Variants in USP39 observed in about 807,000 individuals in gnomAD.
USP39 encodes ubiquitin specific peptidase 39, also known as ubiquitin carboxyl-terminal hydrolase 39.
USP39 carries 38 observed loss-of-function variants against 66.4 expected under a neutral mutation model. That is an observed-to-expected ratio of 0.57 (90% CI 0.44 to 0.75). The LOEUF (loss-of-function observed/expected upper bound fraction) is 0.75, where lower values mean the gene tolerates loss of function less well. Among genes scored for constraint, USP39 ranks in the 30% least tolerant of loss-of-function variants. The probability of loss-of-function intolerance (pLI) is 0.00; values close to 1 mark genes in which losing one functional copy is unlikely to be tolerated. For synonymous variants in USP39, 303 were observed against 274.6 expected (o/e 1.10, Z -1.02); for missense variants, 608 against 714.4 (o/e 0.85, Z 1.70).
chr2:85,609,308 G>C (rs1673352756), upstream of USP39: 2 of 1,379,660 alleles, frequency 1.4e-6, no homozygotes, highest in Admixed American at 4.2e-5. Context: ...TGCCCGGCAG[G>C]CCTAGACTCA....
intron 5 of USP39, among the ~76,000 whole-genome samples, chr2:85,629,286 C>T (rs1158558578): frequency 6.6e-6 from 1 of 151,890 alleles, no homozygotes; most frequent in Non-Finnish European, 1.5e-5. Flanking sequence ...GTCTTGGACT[C>T]CTGACCTCAA....
At chr2:85,616,123 C>CT, upstream of USP39, 1 of 1,388,982 alleles carries the variant, frequency 7.2e-7, no homozygotes, top group Non-Finnish European at 9.4e-7. Flanking sequence ...ACCAGCCCCT[C>CT]TCCTGATTGG....
intron 4 of USP39, among the ~76,000 whole-genome samples, chr2:85,624,317 G>A (rs750683439): frequency 7.2e-5 from 11 of 151,764 alleles, no homozygotes; most frequent in Non-Finnish European, 1.6e-4. Context: ...CACGTGGGGT[G>A]TATTCATGGT....
rs1031195388 is a variant in USP39 at position 85,625,519 on chromosome 2, C to A, written c.571-20C>A. The A allele has an allele frequency of 6.2e-7, 1 of 1,612,530 alleles. No individual in the cohort carries two copies. The stretch of plus-strand genomic sequence containing the variant: ...TGAACTCAGCTCTTAAACAACTTAG[C>A]ATTTTCTTTTGCTTTGCAGTATGTG... On this transcript the variant is annotated intron_variant, in intron 4 of 12. Transcript: ENST00000323701.
chr2:85,631,955 G>A (rs1319609773), intron 6 of USP39, among the ~76,000 whole-genome samples: 1 of 13,036 alleles, frequency 7.7e-5, no homozygotes, highest in Non-Finnish European at 1.1e-4. Flanking sequence ...CACCATGTTG[G>A]CCAGGTGAAC....
In USP39 at chr2:85,625,610, A is replaced by G. The variant is rs140978998; in HGVS notation, c.642A>G (p.Ala214=). The change falls in exon 5 of 13, where the codon GCA becomes GCG. Residue 214 remains alanine, a synonymous_variant. Coordinates refer to ENST00000323701, the MANE Select transcript of USP39 (RefSeq NM_006590.4). ...ACAAGCAAGCCAAATTGTCCCGGGC[A>G]TATGATGGTACCACTTACCTGCCGG... ...NLDKQAKLSR[A]YDGTTYLPGI... The G allele has an allele frequency of 5.0e-6, 8 of 1,614,024 alleles. No homozygotes were observed. Among genetic ancestry groups the G allele is most frequent in the African/African-American group, 1.3e-5 (1 of 74,928 alleles).
In USP39 at chr2:85,639,299, G is replaced by T; in HGVS notation, c.1192G>T (p.Ala398Ser). The T allele has an allele frequency of 6.2e-7, 1 of 1,613,836 alleles. No individual in the cohort carries two copies. The highest frequency in any genetic ancestry group is 8.5e-7 in the Non-Finnish European group (1 of 1,179,982). ...GTACCTGACGCTGGACCTTCCTACT[G>T]CCCCCCTCTACAAGGACGAGAAGGA... Reference protein sequence around the residue: ...FMYLTLDLPTAPLYKDEKEQL... With the variant: ...FMYLTLDLPTSPLYKDEKEQL... The change falls in exon 9 of 13, where the codon GCC (alanine) becomes TCC (serine). Residue 398 changes from alanine to serine, a missense_variant. By Grantham distance (99) the Ala-to-Ser change is moderately conservative. This residue lies in a region of USP39 where 164 missense variants were observed against 250.3 expected (regional missense o/e 0.66). Coordinates refer to ENST00000323701, the MANE Select transcript of USP39 (RefSeq NM_006590.4).
At chr2:85,617,735 T>C (rs1041960987) in intron 1 of USP39, among the ~76,000 whole-genome samples, 1 of 152,220 alleles carries the variant, frequency 6.6e-6, no homozygotes, top group South Asian at 2.1e-4. Context: ...TCTCCTCACT[T>C]TGCCTTGTGG....
intron 10 of USP39, among the ~76,000 whole-genome samples, 190 bp downstream of exon 10, chr2:85,641,308 G>A (rs763060692): frequency 3.0e-4 from 46 of 152,170 alleles, no homozygotes; most frequent in Non-Finnish European, 5.9e-4. Context: ...GATGTTTATT[G>A]GGATGCAATC....
chr2:85,614,765 A>T (rs190107441), upstream of USP39, among the ~76,000 whole-genome samples: 1 of 152,308 alleles, frequency 6.6e-6, no homozygotes, highest in Non-Finnish European at 1.5e-5. Flanking sequence ...AGATATTGGG[A>T]TATTAGGACA....
chr2:85,640,437 T>C (rs1676139812), intron 9 of USP39, among the ~76,000 whole-genome samples: 1 of 151,580 alleles, frequency 6.6e-6, no homozygotes, highest in Admixed American at 6.6e-5. Context: ...TACAGGTACA[T>C]GCCACCATGC....
chr2:85,614,532 G>A (rs756407213), upstream of USP39, among the ~76,000 whole-genome samples: 4 of 152,058 alleles, frequency 2.6e-5, no homozygotes, highest in Admixed American at 6.6e-5. Flanking sequence ...AAAATGTAAA[G>A]TAGTGAAAGT....
upstream of USP39, chr2:85,610,511 G>A (rs563150392): frequency 6.6e-6 from 1 of 152,272 alleles, no homozygotes; most frequent in South Asian, 2.1e-4. Flanking sequence ...TGAGATCTTG[G>A]GCAAGTTGTT....
In USP39 at chr2:85,648,919, G is replaced by C; in HGVS notation, c.*111G>C. The C allele has an allele frequency of 7.8e-7, 1 of 1,277,664 alleles. No homozygotes were observed. The highest frequency in any genetic ancestry group is 1.1e-6 in the Non-Finnish European group (1 of 889,888). The allele number at this position is 1,277,664 out of a possible 1,614,324, so 79.1% of individuals were successfully genotyped here. ...CTGGTGGGCTTCCTAGGCCAGCCCAGCTTGTATGGGTTCTGGCTACACCAG... is the reference window on the plus strand; with the variant it reads ...CTGGTGGGCTTCCTAGGCCAGCCCACCTTGTATGGGTTCTGGCTACACCAG... On this transcript the variant is annotated 3_prime_UTR_variant, in exon 13 of 13. Coordinates refer to ENST00000323701, the MANE Select transcript of USP39 (RefSeq NM_006590.4).
intron 10 of USP39, among the ~76,000 whole-genome samples, chr2:85,641,322 A>G (rs368666871): frequency 6.6e-6 from 1 of 152,198 alleles, no homozygotes; most frequent in Non-Finnish European, 1.5e-5. Flanking sequence ...TGCAATCCCT[A>G]TTTTATCTTC....
In USP39 at chr2:85,647,302, G is replaced by A. The variant is rs547291311; in HGVS notation, c.1564-628G>A. 9.6e-4 allele frequency among the ~76,000 whole-genome samples: 146 copies of A among 152,198 alleles called. 1 individual carries two copies. In the Middle Eastern group the frequency reaches 0.027, roughly 28 times the overall value. On this transcript the variant is annotated intron_variant, in intron 11 of 12. Coordinates refer to ENST00000323701, the MANE Select transcript of USP39 (RefSeq NM_006590.4). ...GAGACATCATAGGTGATGATTAGAT[G>A]GCTTCCTCTTTTCTCATCTTTAGTG...
At chr2:85,648,453 A>G (rs1676812823) in intron 12 of USP39, among the ~76,000 whole-genome samples, 1 of 152,072 alleles carries the variant, frequency 6.6e-6, no homozygotes, top group African/African-American at 2.4e-5. Flanking sequence ...TGTCCTCTCC[A>G]TTGGATTGAC....
At chr2:85,644,355 C>T (rs1025737372) in intron 10 of USP39, among the ~76,000 whole-genome samples, 4 of 151,932 alleles carry the variant, frequency 2.6e-5, no homozygotes, top group Non-Finnish European at 5.9e-5. Flanking sequence ...ATATATTTTT[C>T]CTAAAATTAT....
At chr2:85,618,221 G>T (rs1016547355) in intron 1 of USP39, among the ~76,000 whole-genome samples, 1 of 151,884 alleles carries the variant, frequency 6.6e-6, no homozygotes, top group Non-Finnish European at 1.5e-5. Flanking sequence ...CTCCCAGAGT[G>T]CTGGGATTAC....
Sources: gnomAD v4.1 joint callset for allele counts (sites outside exome capture counted in the v4.1 genomes callset) on GRCh38, gnomAD v4.1.1 for gene constraint, gnomAD v4.1.1 regional missense constraint, MANE v1.5 for transcripts, NCBI Gene and HGNC (gene_info 2026-07-23, HGNC 2026-07-21) for gene names.